Variants in ZMYND8 observed in about 807,000 individuals in gnomAD.
ZMYND8 encodes zinc finger MYND-type containing 8.
ZMYND8 carries 37 observed loss-of-function variants against 140.8 expected under a neutral mutation model. The observed-to-expected ratio is 0.26, with a 90% CI of 0.20 to 0.35. ZMYND8 has a LOEUF of 0.35. Ranked by LOEUF, ZMYND8 falls within the 10% of genes least tolerant of loss-of-function variation. The pLI is 1.00. For synonymous variants in ZMYND8, 592 were observed against 597.1 expected (o/e 0.99, Z 0.12); for missense variants, 1,068 against 1,570.0 (o/e 0.68, Z 5.40).
At chr20:47,295,691 A>T (rs1353631028) in intron 4 of ZMYND8, among the ~76,000 whole-genome samples, 1 of 152,146 alleles carries the variant, frequency 6.6e-6, no homozygotes, top group East Asian at 1.9e-4. Context: ...GCACAACCTA[A>T]CCTAACTGTC....
intron 11 of ZMYND8, among the ~76,000 whole-genome samples, chr20:47,271,325 T>C (rs574794794): frequency 6.6e-6 from 1 of 152,344 alleles, no homozygotes; most frequent in South Asian, 2.1e-4. Context: ...TTTGCCCTAT[T>C]GTATTTCCTT....
At chr20:47,245,945 T>C in intron 14 of ZMYND8, 63 bp downstream of exon 14, 1 of 1,521,914 alleles carries the variant, frequency 6.6e-7, no homozygotes, top group Non-Finnish European at 8.8e-7. Flanking sequence ...CTTTTGATAG[T>C]AAGTGTACGA....
chr20:47,234,932 G>C (rs1335637058), intron 16 of ZMYND8, among the ~76,000 whole-genome samples: 1 of 152,092 alleles, frequency 6.6e-6, no homozygotes, highest in Non-Finnish European at 1.5e-5. Context: ...TTGAGGCCAG[G>C]AGTTTGAGAC....
At chr20:47,253,337 G>A (rs772884511) in intron 12 of ZMYND8, among the ~76,000 whole-genome samples, 1 of 152,070 alleles carries the variant, frequency 6.6e-6, no homozygotes, top group African/African-American at 2.4e-5. Flanking sequence ...AGGAGTTCAA[G>A]ACCAACCTGA....
intron 11 of ZMYND8, among the ~76,000 whole-genome samples, chr20:47,270,333 A>G (rs1370835445): frequency 6.9e-6 from 1 of 144,342 alleles, no homozygotes; most frequent in African/African-American, 2.6e-5. Context: ...AGATCGCACC[A>G]TTGCACCCCA....
intron 16 of ZMYND8, among the ~76,000 whole-genome samples, chr20:47,232,884 C>T (rs541337514): frequency 6.9e-6 from 1 of 144,108 alleles, no homozygotes; most frequent in African/African-American, 2.6e-5. Context: ...CAACCTCCCC[C>T]ATGTTTTTTT....
chr20:47,266,218 C>T (rs554074569), intron 11 of ZMYND8, among the ~76,000 whole-genome samples: 3 of 150,394 alleles, frequency 2.0e-5, no homozygotes, highest in East Asian at 2.0e-4. Flanking sequence ...ATGAATGCCA[C>T]GGCCACCCAC....
chr20:47,291,300 G>A (rs542071815), intron 6 of ZMYND8, among the ~76,000 whole-genome samples: 19 of 152,318 alleles, frequency 1.2e-4, no homozygotes, highest in African/African-American at 4.6e-4. Context: ...TGTTCCAAGT[G>A]TAATTTTCAG....
chr20:47,306,338 A>G (rs2078481195), intron 3 of ZMYND8, among the ~76,000 whole-genome samples: 2 of 152,082 alleles, frequency 1.3e-5, no homozygotes, highest in African/African-American at 4.8e-5. Flanking sequence ...GAGCCTGCAG[A>G]GCCGGGGAGG....
intron 2 of ZMYND8, among the ~76,000 whole-genome samples, chr20:47,340,903 A>G (rs2081820018): frequency 6.6e-6 from 1 of 152,188 alleles, no homozygotes; most frequent in South Asian, 2.1e-4. Context: ...TCAGAGGGAT[A>G]GAGGACGCTC....
chr20:47,214,033 C>G (rs537996093), intron 21 of ZMYND8, among the ~76,000 whole-genome samples: 90 of 151,260 alleles, frequency 6.0e-4, no homozygotes, highest in South Asian at 2.5e-3. Context: ...GGAGCTCATA[C>G]CCCTAACTAA....
chr20:47,311,780 G>C (rs1380593987), intron 2 of ZMYND8, among the ~76,000 whole-genome samples: 1 of 152,160 alleles, frequency 6.6e-6, no homozygotes, highest in Admixed American at 6.5e-5. Context: ...TGAGGCAGGA[G>C]AATCGCTTGA....
At position 47,246,133 on chromosome 20, in the gene ZMYND8, G is replaced by A. The variant is rs1453989395; in HGVS notation, c.2159C>T (p.Thr720Ile). The change falls in exon 14 of 23, where the codon ACA becomes ATA. Residue 720 changes from threonine to isoleucine, a missense_variant. Transcript: ENST00000471951. Reference sequence around the variant, plus strand: ...ATCAGAGTCCAGGCCCAAATGGACTGTTGGGGAATCCGTCTCATCTTTTCC... The same window carrying A: ...ATCAGAGTCCAGGCCCAAATGGACTATTGGGGAATCCGTCTCATCTTTTCC... ...LKGKDETDSP[T>I]VHLGLDSDSE... 4.3e-6 allele frequency: 7 copies of A among 1,614,104 alleles called. No individual in the cohort carries two copies. The African/African-American group carries it at 8.0e-5, about 18-fold the overall frequency.
intron 21 of ZMYND8, among the ~76,000 whole-genome samples, chr20:47,215,255 C>T (rs903645141): frequency 2.0e-5 from 3 of 152,118 alleles, no homozygotes; most frequent in African/African-American, 7.2e-5. Flanking sequence ...TTCCTGTAAT[C>T]TCAGCTGCTC....
At position 47,238,767 on chromosome 20, in the gene ZMYND8, C is replaced by T. The variant is rs1236160374; in HGVS notation, c.2656G>A (p.Ala886Thr). The T allele has an allele frequency of 6.2e-7, 1 of 1,611,628 alleles. No individual in the cohort carries two copies. Reference sequence around the variant, plus strand: ...AGGGGAGGCTCGGTACCTTTCACAGCCTGTCTGGTCTGATATCTCGTCCCC... The same window carrying T: ...AGGGGAGGCTCGGTACCTTTCACAGTCTGTCTGGTCTGATATCTCGTCCCC... The part of the protein sequence containing the change: ...SQGTRYQTRQ[A>T]VKAVQQKEIT... Residue 886 changes from alanine (A) to threonine (T), a missense_variant, in exon 15 of 23, where the codon GCT (alanine) becomes ACT (threonine). By Grantham distance (58) the Ala-to-Thr change is moderately conservative (BLOSUM62 0). This residue lies in a region of ZMYND8 where 383 missense variants were observed against 431.2 expected (regional missense o/e 0.89). Coordinates refer to ENST00000471951, the MANE Select transcript of ZMYND8 (RefSeq NM_001281775.3).
intron 21 of ZMYND8, 109 bp downstream of exon 21, chr20:47,220,149 C>A: frequency 2.9e-4 from 216 of 755,174 alleles, no homozygotes; most frequent in East Asian, 5.9e-4. Flanking sequence ...GATCCATAAT[C>A]GTTTGGAAAC....
chr20:47,318,853 C>G (rs1569186524), intron 2 of ZMYND8: 2 of 903,110 alleles, frequency 2.2e-6, no homozygotes, highest in Non-Finnish European at 3.2e-6. Context: ...AATGAAAGGT[C>G]ACTCTCAACT....
At chr20:47,255,791 A>G (rs1299823579) in intron 12 of ZMYND8, among the ~76,000 whole-genome samples, 19 of 118,630 alleles carry the variant, frequency 1.6e-4, no homozygotes, top group African/African-American at 3.3e-4. Flanking sequence ...TTGTATGTGT[A>G]TATATATATA....
chr20:47,228,344 A>G (rs1176907646), intron 17 of ZMYND8, among the ~76,000 whole-genome samples: 1 of 152,186 alleles, frequency 6.6e-6, no homozygotes, highest in Non-Finnish European at 1.5e-5. Flanking sequence ...AACCTGATTA[A>G]TTCACGTAGT....
Sources: allele counts gnomAD v4.1 joint callset (sites outside exome capture counted in the v4.1 genomes callset), GRCh38; gene constraint gnomAD v4.1.1; regional missense constraint gnomAD v4.1.1; transcripts MANE v1.5; gene names NCBI Gene and HGNC (gene_info 2026-07-23, HGNC 2026-07-21).